Variants in KCNQ3 observed in about 807,000 individuals in gnomAD.
KCNQ3 encodes potassium voltage-gated channel subfamily Q member 3.
In KCNQ3, 30 loss-of-function variants were observed where a neutral mutation model predicts 92.5. That is an observed-to-expected ratio of 0.32 (90% CI 0.24 to 0.44). The LOEUF is 0.44. Ranked by LOEUF, KCNQ3 falls within the 20% of genes least tolerant of loss-of-function variation. The pLI, the probability that KCNQ3 is intolerant of heterozygous loss-of-function variation, is 1.00. For missense variants in KCNQ3, 913 were observed against 1,140.3 expected (o/e 0.80, Z 2.87); for synonymous variants, 450 against 468.8 (o/e 0.96, Z 0.52).
chr8:132,152,366 A>G (rs1230122206), intron 9 of KCNQ3, among the ~76,000 whole-genome samples: 1 of 152,238 alleles, frequency 6.6e-6, no homozygotes, highest in African/African-American at 2.4e-5. Context: ...TACAGCCTTT[A>G]ACAACTGAGT....
intron 1 of KCNQ3, among the ~76,000 whole-genome samples, chr8:132,396,348 A>T (rs1452629497): frequency 6.6e-6 from 1 of 151,972 alleles, no homozygotes; most frequent in African/African-American, 2.4e-5. Flanking sequence ...TTTACATGAG[A>T]GAAAAACTTC....
At chr8:132,363,166 A>G (rs1034818520) in intron 1 of KCNQ3, among the ~76,000 whole-genome samples, 3 of 152,198 alleles carry the variant, frequency 2.0e-5, no homozygotes, top group African/African-American at 7.2e-5. Context: ...AGATGTGTAG[A>G]GCATCTCTGA....
Position 132,480,526 on chromosome 8 carries a change from G to C in KCNQ3, c.7C>G (p.Leu3Val). 8.1e-7 allele frequency: 1 copy of C among 1,235,602 alleles called. No individual in the cohort carries two copies. Among genetic ancestry groups the C allele is most frequent in the Non-Finnish European group, 1.0e-6 (1 of 970,668 alleles). 76.5% of individuals were successfully genotyped at this position (1,235,602 alleles called of 1,614,324 possible). Residue 3 changes from leucine to valine, a missense_variant, in exon 1 of 15, where the codon CTC becomes GTC. Transcript: ENST00000388996. ...GCCCCCGCCGCCCTGCGCGCCTTGA[G>C]CCCCATCTGCCTCGCCCCCGCCGGC... is the stretch of plus-strand genomic sequence containing the variant. Reference protein sequence around the residue: MGLKARRAAGAAG... With the variant: MGVKARRAAGAAG...
At chr8:132,132,096 A>AAAAG (rs912302658) in intron 14 of KCNQ3, 84 bp downstream of exon 14, 2 of 1,009,366 alleles carry the variant, frequency 2.0e-6, no homozygotes, top group Non-Finnish European at 1.5e-6. Flanking sequence ...TTAAAAAAAA[A>AAAAG]AAAGAAAGAA....
intron 1 of KCNQ3, among the ~76,000 whole-genome samples, chr8:132,396,780 C>G (rs1247669897): frequency 3.3e-5 from 5 of 152,222 alleles, no homozygotes; most frequent in African/African-American, 1.2e-4. Context: ...CTGGGTGGGC[C>G]TGAGCTAATC....
At chr8:132,450,659 C>T (rs1821798889) in intron 1 of KCNQ3, among the ~76,000 whole-genome samples, 1 of 152,212 alleles carries the variant, frequency 6.6e-6, no homozygotes. Context: ...GAGGGGCAGG[C>T]ATCACACCAT....
chr8:132,395,015 G>A (rs946348328), intron 1 of KCNQ3, among the ~76,000 whole-genome samples: 1 of 152,198 alleles, frequency 6.6e-6, no homozygotes, highest in African/African-American at 2.4e-5. Flanking sequence ...GTCAGCGCAA[G>A]CCTCATGCAT....
At chr8:132,163,801 AATTT>A (rs1278431578) in intron 8 of KCNQ3, among the ~76,000 whole-genome samples, 2 of 152,186 alleles carry the variant, frequency 1.3e-5, no homozygotes, top group Non-Finnish European at 2.9e-5. Context: ...GAGCTCAGGA[AATTT>A]ATTTGGTGGT....
intron 1 of KCNQ3, among the ~76,000 whole-genome samples, chr8:132,456,283 T>A (rs1228788758): frequency 6.6e-6 from 1 of 152,168 alleles, no homozygotes; most frequent in Non-Finnish European, 1.5e-5. Context: ...TTGTGCAGCC[T>A]GGGGAGGGGT....
chr8:132,416,482 T>C (rs1820811418), intron 1 of KCNQ3, among the ~76,000 whole-genome samples: 1 of 152,016 alleles, frequency 6.6e-6, no homozygotes, highest in Non-Finnish European at 1.5e-5. Flanking sequence ...TAGCCAGACA[T>C]GATGGCGGGC....
chr8:132,203,954 T>C (rs1178711672), intron 1 of KCNQ3, among the ~76,000 whole-genome samples: 1 of 152,236 alleles, frequency 6.6e-6, no homozygotes, highest in Non-Finnish European at 1.5e-5. Flanking sequence ...CATATATCTT[T>C]GGGGACCTCT....
intron 1 of KCNQ3, among the ~76,000 whole-genome samples, chr8:132,352,369 A>T (rs1384327540): frequency 6.6e-6 from 1 of 152,166 alleles, no homozygotes; most frequent in Non-Finnish European, 1.5e-5. Context: ...GTGTGCAAGG[A>T]TGCTGCTAAA....
intron 1 of KCNQ3, among the ~76,000 whole-genome samples, chr8:132,274,471 C>T (rs972654586): frequency 3.9e-5 from 6 of 152,150 alleles, no homozygotes. Flanking sequence ...ACAGCCAAAC[C>T]ATATCAGTTT....
chr8:132,451,261 G>A (rs1821814656), intron 1 of KCNQ3, among the ~76,000 whole-genome samples: 1 of 152,206 alleles, frequency 6.6e-6, no homozygotes, highest in Non-Finnish European at 1.5e-5. Flanking sequence ...CTTCTGCCAT[G>A]ATTGTGAGGC....
chr8:132,296,473 T>C (rs902071047), intron 1 of KCNQ3, among the ~76,000 whole-genome samples: 11 of 152,122 alleles, frequency 7.2e-5, no homozygotes, highest in Non-Finnish European at 1.3e-4. Context: ...ATGTGCCATG[T>C]TGGTGTGCTG....
chr8:132,206,124 C>G (rs1270029984), intron 1 of KCNQ3, among the ~76,000 whole-genome samples: 1 of 152,180 alleles, frequency 6.6e-6, no homozygotes, highest in African/African-American at 2.4e-5. Flanking sequence ...CATGTCTTTC[C>G]AGCCATAAGG....
intron 1 of KCNQ3, among the ~76,000 whole-genome samples, chr8:132,289,318 T>C (rs2130550214): frequency 6.6e-6 from 1 of 152,302 alleles, no homozygotes; most frequent in East Asian, 1.9e-4. Context: ...CAGTATAAAG[T>C]TTCCTATGGC....
intron 9 of KCNQ3, among the ~76,000 whole-genome samples, chr8:132,153,744 C>A (rs998247614): frequency 1.3e-4 from 19 of 149,594 alleles, no homozygotes; most frequent in African/African-American, 3.5e-4. Context: ...GCCCCCCCCC[C>A]ATTAACATGG....
intron 1 of KCNQ3, among the ~76,000 whole-genome samples, chr8:132,195,061 C>T (rs749282518): frequency 2.6e-5 from 4 of 152,240 alleles, no homozygotes; most frequent in Non-Finnish European, 4.4e-5. Flanking sequence ...AAATACCATA[C>T]ACCAGGGTCA....
Sources: gnomAD v4.1 joint callset for allele counts (sites outside exome capture counted in the v4.1 genomes callset) on GRCh38, gnomAD v4.1.1 for gene constraint, MANE v1.5 for transcripts, NCBI Gene and HGNC (gene_info 2026-07-23, HGNC 2026-07-21) for gene names.